Variants in NWD2 observed in about 807,000 individuals in gnomAD.
NWD2 encodes NACHT and WD repeat domain containing 2, also known as NACHT and WD repeat domain-containing protein 2.
Under a neutral mutation model 132.7 loss-of-function variants are expected in NWD2, and 37 were observed. The ratio of observed to expected loss-of-function variants is 0.28; its 90% CI spans 0.21 to 0.37. The LOEUF (loss-of-function observed/expected upper bound fraction) is 0.37. Ranked by LOEUF, NWD2 falls within the 10% of genes least tolerant of loss-of-function variation. The pLI, the probability that NWD2 is intolerant of heterozygous loss-of-function variation, is 1.00. For missense variants in NWD2, 1,592 were observed against 2,122.4 expected, an observed-to-expected ratio of 0.75 and a Z score of 4.91; for synonymous variants, 705 against 803.0, an observed-to-expected ratio of 0.88 and a Z score of 2.06.
chr4:37,378,863 G>GT (rs1560408298), intron 3 of NWD2, among the ~76,000 whole-genome samples: 2 of 152,136 alleles, frequency 1.3e-5, no homozygotes, highest in East Asian at 3.8e-4. Context: ...TTTATTTGTT[G>GT]TTTTAAAGCT....
At chr4:37,334,141 A>G (rs1208827637) in intron 2 of NWD2, among the ~76,000 whole-genome samples, 1 of 152,216 alleles carries the variant, frequency 6.6e-6, no homozygotes, top group Non-Finnish European at 1.5e-5. Context: ...GTGTATTCAA[A>G]GGGATAATAA....
chr4:37,303,358 G>A (rs547343240), intron 1 of NWD2, among the ~76,000 whole-genome samples: 11 of 152,242 alleles, frequency 7.2e-5, no homozygotes, highest in South Asian at 4.1e-4. Context: ...CGACAGCTTC[G>A]TGGTATATAA....
chr4:37,422,152 C>G (rs1266238254), intron 3 of NWD2, among the ~76,000 whole-genome samples: 2 of 152,196 alleles, frequency 1.3e-5, no homozygotes, highest in Non-Finnish European at 2.9e-5. Context: ...CATAGCAATA[C>G]TGGCCTTTCT....
intron 1 of NWD2, among the ~76,000 whole-genome samples, chr4:37,261,465 T>C (rs1195023341): frequency 6.6e-6 from 1 of 152,210 alleles, no homozygotes; most frequent in Non-Finnish European, 1.5e-5. Context: ...CACAAGTAAG[T>C]TGTAAGCCAT....
Position 37,439,286 on chromosome 4 carries a change from C to T in NWD2, c.1192C>T (p.His398Tyr). ...CAAATGTGAATCTCTAAACATAGTG[C>T]ATAACTACATTCTTCCAAGCAAAGC... The part of the protein sequence containing the change: ...EYKCESLNIV[H>Y]NYILPSKAGH... Residue 398 changes from histidine (H) to tyrosine (Y), a missense_variant, in exon 6 of 7, where the codon CAT (histidine) becomes TAT (tyrosine). This residue lies in a region of NWD2 where 1,071 missense variants were observed against 1,398.0 expected (regional missense o/e 0.77). Coordinates refer to ENST00000309447, the MANE Select transcript of NWD2 (RefSeq NM_001144990.2). The surrounding 1 kb of genome is among the most constrained non-coding windows in gnomAD (Gnocchi z 4.5). 6.4e-7 allele frequency: 1 copy of T among 1,550,952 alleles called. No homozygotes were observed. Among genetic ancestry groups the T allele is most frequent in the South Asian group, 1.2e-5 (1 of 83,964 alleles).
At chr4:37,392,345 T>A (rs1056417975) in intron 3 of NWD2, among the ~76,000 whole-genome samples, 4 of 152,250 alleles carry the variant, frequency 2.6e-5, no homozygotes, top group African/African-American at 9.6e-5. Context: ...ACATGATCAT[T>A]GAATAGCTTA....
At chr4:37,312,534 G>C (rs1718868191) in intron 1 of NWD2, among the ~76,000 whole-genome samples, 2 of 151,036 alleles carry the variant, frequency 1.3e-5, no homozygotes, top group South Asian at 4.1e-4. Context: ...TTTGGGCTGA[G>C]ACAGTGGGGT....
chr4:37,355,743 A>G (rs2376782), intron 2 of NWD2, among the ~76,000 whole-genome samples: 1 of 152,184 alleles, frequency 6.6e-6, no homozygotes, highest in Non-Finnish European at 1.5e-5. Context: ...AGGGAGATAG[A>G]GGATCCTATT....
Position 37,306,989 on chromosome 4 carries a change from A to C in NWD2, c.152-18947A>C, listed in dbSNP as rs192596447. ...TAGTGAGCCGAGATTGCGCCACTGC[A>C]CTCCAGCCTAGGCGACAGAGCGAGA... On this transcript the variant is annotated intron_variant, in intron 1 of 6. Coordinates refer to ENST00000309447, the MANE Select transcript of NWD2 (RefSeq NM_001144990.2). Among the ~76,000 whole-genome samples the C allele has an allele frequency of 1.4e-3, 211 of 150,790 alleles. 1 individual carries two copies. Among genetic ancestry groups the C allele is most frequent in the Middle Eastern group, 0.01 (3 of 294 alleles).
intron 1 of NWD2, among the ~76,000 whole-genome samples, chr4:37,281,653 G>A (rs1718132802): frequency 6.6e-6 from 1 of 152,056 alleles, no homozygotes; most frequent in Non-Finnish European, 1.5e-5. Flanking sequence ...ACCAAGTCCA[G>A]TAAATTTTAA....
rs1560411769 is a variant in NWD2, at chr4:37,394,806, T to TTTTTTTTGTTTTG, written c.358-35759_358-35758insGTTTTGTTTTTTT. Among the ~76,000 whole-genome samples, 25 of 100,534 alleles carry TTTTTTTTGTTTTG rather than the reference T, an allele frequency of 2.5e-4. 2 individuals are homozygous for TTTTTTTTGTTTTG. Among genetic ancestry groups the TTTTTTTTGTTTTG allele is most frequent in the East Asian group, 9.2e-4 (3 of 3,276 alleles). The allele number at this position is 100,534 out of a possible 152,430, so 66.0% of individuals were successfully genotyped here. ...CTATAGTGAACCTTTATGGTTTTTT[T>TTTTTTTTGTTTTG]TTTTTTTTTTTTTTTTTTTTTTGAG... On this transcript the variant is annotated intron_variant, in intron 3 of 6. Coordinates refer to ENST00000309447, the MANE Select transcript of NWD2 (RefSeq NM_001144990.2).
intron 4 of NWD2, among the ~76,000 whole-genome samples, chr4:37,432,910 G>T (rs903973642): frequency 6.6e-6 from 1 of 152,120 alleles, no homozygotes; most frequent in Admixed American, 6.5e-5. Context: ...TGCAAAGAAG[G>T]CATGGATATC....
chr4:37,435,824 A>T (rs1308570337), intron 5 of NWD2, among the ~76,000 whole-genome samples: 1 of 152,182 alleles, frequency 6.6e-6, no homozygotes, highest in Non-Finnish European at 1.5e-5. Flanking sequence ...TCCTGAAGAT[A>T]TACATGCTCA....
At chr4:37,295,460 A>G (rs980666039) in intron 1 of NWD2, among the ~76,000 whole-genome samples, 1 of 152,198 alleles carries the variant, frequency 6.6e-6, no homozygotes, top group Non-Finnish European at 1.5e-5. Flanking sequence ...GCCTTAGCTC[A>G]GCGTGTGTGT....
rs545804355 is a variant in NWD2 at position 37,269,378 on chromosome 4, T to A, written c.151+24160T>A. Reference sequence around the variant, plus strand: ...AATGGAAGCTTAGTTTACAGTCTTATAATCTTTTTATGAGATAAGATTTAT... The same window carrying A: ...AATGGAAGCTTAGTTTACAGTCTTAAAATCTTTTTATGAGATAAGATTTAT... On this transcript the variant is annotated intron_variant, in intron 1 of 6. Transcript: ENST00000309447. Among the ~76,000 whole-genome samples the A allele has an allele frequency of 2.6e-5, 4 of 151,992 alleles. No homozygotes were observed. In the South Asian group the frequency reaches 8.3e-4, roughly 32 times the overall value.
chr4:37,316,226 GC>G (rs1718954056), intron 1 of NWD2, among the ~76,000 whole-genome samples: 1 of 151,894 alleles, frequency 6.6e-6, no homozygotes, highest in African/African-American at 2.4e-5. Context: ...TAAGTATTTT[GC>G]TTTTTTAAAA....
intron 5 of NWD2, 51 bp downstream of exon 5, chr4:37,434,071 C>T: frequency 1.6e-6 from 2 of 1,218,636 alleles, no homozygotes; most frequent in Middle Eastern, 1.9e-4. Context: ...TTAATAGGTA[C>T]ATCTACTGCT....
At chr4:37,432,364 GAAA>G (rs71185140) in intron 4 of NWD2, among the ~76,000 whole-genome samples, 7,446 of 138,586 alleles carry the variant, frequency 0.054, 288 homozygotes, top group African/African-American at 0.12. Context: ...GGGTGAAGAA[GAAA>G]AAAAAAAAAA....
chr4:37,316,842 G>A (rs1169536546), intron 1 of NWD2, among the ~76,000 whole-genome samples: 1 of 151,894 alleles, frequency 6.6e-6, no homozygotes, highest in Non-Finnish European at 1.5e-5. Flanking sequence ...GATATTTTAG[G>A]TAATATAACA....
Sources: allele counts gnomAD v4.1 joint callset (sites outside exome capture counted in the v4.1 genomes callset), GRCh38; gene constraint gnomAD v4.1.1; regional missense constraint gnomAD v4.1.1; non-coding constraint Gnocchi (gnomAD v3.1); transcripts MANE v1.5; gene names NCBI Gene and HGNC (gene_info 2026-07-23, HGNC 2026-07-21).